RASSF8: variants seen among roughly 807,000 people sequenced by gnomAD.
RASSF8 encodes Ras association domain family member 8.
In RASSF8, 22 loss-of-function variants were observed where a neutral mutation model predicts 48.5. The observed-to-expected ratio is 0.45, with a 90% CI of 0.32 to 0.65. The LOEUF is 0.65. Ranked by LOEUF, RASSF8 falls within the 30% of genes least tolerant of loss-of-function variation. RASSF8 has a pLI of 0.03. For synonymous variants in RASSF8, 127 were observed against 171.5 expected, an observed-to-expected ratio of 0.74 and a Z score of 2.03; for missense variants, 418 against 489.2, an observed-to-expected ratio of 0.85 and a Z score of 1.37.
At chr12:25,993,412 A>G (rs1182826243) in intron 1 of RASSF8, among the ~76,000 whole-genome samples, 3 of 152,200 alleles carry the variant, frequency 2.0e-5, no homozygotes, top group Admixed American at 2.0e-4. Flanking sequence ...TTTTCTTGAA[A>G]ACACAACTAA....
intron 2 of RASSF8, among the ~76,000 whole-genome samples, chr12:26,048,863 C>T (rs56959935): frequency 0.075 from 11,440 of 152,220 alleles, 465 homozygotes; most frequent in East Asian, 0.12. Flanking sequence ...AAGCGATTCT[C>T]CTGCCTCAGC....
chr12:25,964,321 T>G (rs536780266), intron 1 of RASSF8, among the ~76,000 whole-genome samples: 1 of 152,066 alleles, frequency 6.6e-6, no homozygotes, highest in African/African-American at 2.4e-5. Flanking sequence ...CATTCAGATA[T>G]ATCACAAAAT....
At chr12:26,078,553 T>A (rs533168187) in intron 5 of RASSF8, among the ~76,000 whole-genome samples, 3 of 152,248 alleles carry the variant, frequency 2.0e-5, no homozygotes, top group Non-Finnish European at 4.4e-5. Context: ...ACTCACTTGA[T>A]CATTCTCAGA....
intron 1 of RASSF8, among the ~76,000 whole-genome samples, chr12:25,990,030 T>C (rs1161864447): frequency 6.6e-6 from 1 of 152,150 alleles, no homozygotes; most frequent in African/African-American, 2.4e-5. Flanking sequence ...TTGTGAACAG[T>C]GTCTGAACTG....
chr12:26,022,417 A>G (rs1367738884), intron 2 of RASSF8, among the ~76,000 whole-genome samples: 1 of 152,232 alleles, frequency 6.6e-6, no homozygotes, highest in South Asian at 2.1e-4. Context: ...TTGATTAAAT[A>G]CATTACCTAA....
At chr12:26,027,628 G>A (rs1015898805) in intron 2 of RASSF8, among the ~76,000 whole-genome samples, 2 of 152,204 alleles carry the variant, frequency 1.3e-5, no homozygotes, top group African/African-American at 4.8e-5. Context: ...CTGCTGTGTG[G>A]TTGTGGCCTT....
chr12:26,045,905 T>C (rs1196907205), intron 2 of RASSF8, among the ~76,000 whole-genome samples: 1 of 152,216 alleles, frequency 6.6e-6, no homozygotes, highest in Non-Finnish European at 1.5e-5. Flanking sequence ...TAATTTGCCA[T>C]CTCTTACGTA....
At chr12:26,055,157 T>C in intron 2 of RASSF8, 79 bp from the exon 3 acceptor site, 1 of 578,340 alleles carries the variant, frequency 1.7e-6, no homozygotes, top group Non-Finnish European at 3.1e-6. Flanking sequence ...TGTTAAAATT[T>C]GTTTTGTGTA....
chr12:26,006,081 T>A (rs143857954), intron 2 of RASSF8, among the ~76,000 whole-genome samples: 8 of 152,178 alleles, frequency 5.3e-5, no homozygotes, highest in African/African-American at 1.9e-4. Context: ...ACACACACCC[T>A]GCTTAGTAGA....
chr12:26,056,407 T>A (rs1017344981), intron 3 of RASSF8, among the ~76,000 whole-genome samples: 1 of 152,226 alleles, frequency 6.6e-6, no homozygotes, highest in Admixed American at 6.5e-5. Context: ...CTTAAGTCTT[T>A]CATTTAACAA....
intron 2 of RASSF8, among the ~76,000 whole-genome samples, chr12:26,026,716 G>A (rs954282539): frequency 6.6e-6 from 1 of 152,150 alleles, no homozygotes; most frequent in Non-Finnish European, 1.5e-5. Context: ...GATTATAGGC[G>A]TAATATTAAT....
intron 2 of RASSF8, among the ~76,000 whole-genome samples, chr12:26,009,230 C>T (rs550761251): frequency 4.6e-5 from 7 of 152,330 alleles, no homozygotes; most frequent in African/African-American, 1.7e-4. Context: ...TAATTCCACA[C>T]TCATGATGGA....
chr12:26,066,824 T>C (rs1943886345), intron 4 of RASSF8, among the ~76,000 whole-genome samples: 1 of 152,226 alleles, frequency 6.6e-6, no homozygotes, highest in African/African-American at 2.4e-5. Flanking sequence ...CTTTTTCTTA[T>C]ATACAGTAGA....
At chr12:25,987,524 C>T (rs964414964) in intron 1 of RASSF8, among the ~76,000 whole-genome samples, 15 of 152,100 alleles carry the variant, frequency 9.9e-5, no homozygotes, top group South Asian at 2.1e-4. Context: ...TACAAGTGCC[C>T]GGTTTAAGTG....
At chr12:26,016,860 T>C (rs1378328777) in intron 2 of RASSF8, among the ~76,000 whole-genome samples, 1 of 152,232 alleles carries the variant, frequency 6.6e-6, no homozygotes, top group Non-Finnish European at 1.5e-5. Flanking sequence ...AAATATCATC[T>C]GAAGTTCATT....
intron 2 of RASSF8, chr12:26,021,621 C>T (rs1330258122): frequency 4.6e-5 from 7 of 152,278 alleles, no homozygotes; most frequent in Non-Finnish European, 8.8e-5. Flanking sequence ...TACTGGGGCT[C>T]TAATTGCCCT....
At chr12:25,961,048 C>G (rs1941221605) in intron 1 of RASSF8, among the ~76,000 whole-genome samples, 1 of 152,090 alleles carries the variant, frequency 6.6e-6, no homozygotes, top group Non-Finnish European at 1.5e-5. Flanking sequence ...ACCTTTTAAC[C>G]TGAATCTTCA....
At chr12:26,025,541 C>T (rs1247471494) in intron 2 of RASSF8, among the ~76,000 whole-genome samples, 2 of 133,468 alleles carry the variant, frequency 1.5e-5, no homozygotes, top group African/African-American at 2.9e-5. Context: ...TAGCCCTGGG[C>T]GACAGAGTGA....
At chr12:26,057,877 A>G (rs1943644006) in intron 3 of RASSF8, among the ~76,000 whole-genome samples, 1 of 152,184 alleles carries the variant, frequency 6.6e-6, no homozygotes, top group Non-Finnish European at 1.5e-5. Flanking sequence ...TCTGATGGAC[A>G]GTGATGGTGA....
Sources: gnomAD v4.1 joint callset for allele counts (sites outside exome capture counted in the v4.1 genomes callset) on GRCh38, gnomAD v4.1.1 for gene constraint, MANE v1.5 for transcripts, NCBI Gene and HGNC (gene_info 2026-07-23, HGNC 2026-07-21) for gene names.